TTBK2: variants seen among roughly 807,000 people sequenced by gnomAD.
TTBK2 encodes the protein tau tubulin kinase 2, also known as tau-tubulin kinase 2.
A neutral mutation model predicts 110.8 loss-of-function variants in TTBK2; 28 were observed. That is an observed-to-expected ratio of 0.25 (90% CI 0.19 to 0.35). TTBK2 has a LOEUF of 0.35. Ranked by LOEUF, TTBK2 falls within the 10% of genes least tolerant of loss-of-function variation. The probability of loss-of-function intolerance (pLI) is 1.00; values close to 1 mark genes in which losing one functional copy is unlikely to be tolerated. For synonymous variants in TTBK2, 532 were observed against 527.3 expected, an observed-to-expected ratio of 1.01 and a Z score of -0.12; for missense variants, 1,369 against 1,500.3, an observed-to-expected ratio of 0.91 and a Z score of 1.45.
chr15:42,878,713 C>T (rs1894923281), intron 1 of TTBK2, 29 bp from the exon 2 acceptor site: 4 of 1,602,968 alleles, frequency 2.5e-6, no homozygotes, highest in Non-Finnish European at 3.4e-6. Context: ...AAAATAGTAG[C>T]AGTATTTAGG....
intron 3 of TTBK2, among the ~76,000 whole-genome samples, chr15:42,843,321 A>G (rs1193508184): frequency 6.6e-6 from 1 of 152,236 alleles, no homozygotes; most frequent in Admixed American, 6.5e-5. Flanking sequence ...TGCTTTTATA[A>G]AACTAATGAA....
intron 3 of TTBK2, among the ~76,000 whole-genome samples, chr15:42,843,228 G>A (rs1250465292): frequency 1.3e-5 from 2 of 152,140 alleles, no homozygotes; most frequent in African/African-American, 4.8e-5. Context: ...GGCTATGGGA[G>A]GAATTTAGTT....
At chr15:42,849,626 A>C (rs1893613825) in intron 3 of TTBK2, among the ~76,000 whole-genome samples, 1 of 152,044 alleles carries the variant, frequency 6.6e-6, no homozygotes, top group Non-Finnish European at 1.5e-5. Flanking sequence ...GACCAAGTTG[A>C]GTTCATGCTT....
chr15:42,918,752 G>T (rs911748546), intron 1 of TTBK2, among the ~76,000 whole-genome samples: 9 of 152,106 alleles, frequency 5.9e-5, no homozygotes, highest in African/African-American at 2.2e-4. Context: ...AGCAAATGAG[G>T]TCTAACCTCT....
chr15:42,911,815 T>C (rs959205251), intron 1 of TTBK2, among the ~76,000 whole-genome samples: 2 of 152,144 alleles, frequency 1.3e-5, no homozygotes, highest in South Asian at 2.1e-4. Context: ...GAAATAAGCA[T>C]AACATACAAG....
chr15:42,772,991 G>C (rs1290737857), intron 13 of TTBK2, among the ~76,000 whole-genome samples: 1 of 152,124 alleles, frequency 6.6e-6, no homozygotes, highest in African/African-American at 2.4e-5. Context: ...CTGTTTAGAT[G>C]TAAGTTTTCA....
At chr15:42,786,160 A>G (rs1371198914) in intron 10 of TTBK2, among the ~76,000 whole-genome samples, 1 of 152,218 alleles carries the variant, frequency 6.6e-6, no homozygotes, top group Non-Finnish European at 1.5e-5. Context: ...ACAACCTAGT[A>G]AAGTAGTATC....
chr15:42,819,137 T>C (rs67920450), intron 6 of TTBK2, among the ~76,000 whole-genome samples: 23,980 of 150,934 alleles, frequency 0.16, 2,428 homozygotes, highest in African/African-American at 0.26. Flanking sequence ...TCAATTAACA[T>C]GTATTACTTT....
At chr15:42,916,379 G>C (rs923090011) in intron 1 of TTBK2, among the ~76,000 whole-genome samples, 5 of 152,162 alleles carry the variant, frequency 3.3e-5, no homozygotes, top group African/African-American at 7.2e-5. Context: ...CCAGGCTGGA[G>C]TGCAGTGGCA....
intron 9 of TTBK2, among the ~76,000 whole-genome samples, chr15:42,795,843 C>CAAA (rs1175589146): frequency 4.1e-5 from 2 of 48,906 alleles, no homozygotes; most frequent in African/African-American, 7.6e-5. Flanking sequence ...AATCTTTCTC[C>CAAA]AAAAAAAAAA....
chr15:42,811,644 T>C, intron 8 of TTBK2, 44 bp downstream of exon 8: 1 of 1,533,134 alleles, frequency 6.5e-7, no homozygotes, highest in Non-Finnish European at 9.0e-7. Context: ...AGCAGAAATT[T>C]TTATTTCTTC....
At chr15:42,819,412 T>C (rs1319480534) in intron 6 of TTBK2, among the ~76,000 whole-genome samples, 2 of 151,952 alleles carry the variant, frequency 1.3e-5, no homozygotes, top group African/African-American at 4.8e-5. Context: ...GGATAAACAA[T>C]CTATGTGTTC....
chr15:42,796,839 A>G (rs1890966947), intron 9 of TTBK2, among the ~76,000 whole-genome samples: 2 of 152,256 alleles, frequency 1.3e-5, no homozygotes, highest in Non-Finnish European at 2.9e-5. Flanking sequence ...TTACTGACTC[A>G]CATGATTTAA....
chr15:42,815,931 AATAT>A (rs1291134154), intron 7 of TTBK2, among the ~76,000 whole-genome samples: 20 of 50,556 alleles, frequency 4.0e-4, no homozygotes, highest in South Asian at 1.9e-3. Context: ...TATATTTAAA[AATAT>A]ATATATATAT....
chr15:42,802,057 A>T, intron 9 of TTBK2: 3 of 1,467,150 alleles, frequency 2.0e-6, no homozygotes, highest in Non-Finnish European at 2.8e-6. Context: ...CTTGGTCTCA[A>T]GCATCTTGTT....
chr15:42,902,114 G>C (rs560163185), intron 1 of TTBK2, among the ~76,000 whole-genome samples: 31 of 151,984 alleles, frequency 2.0e-4, no homozygotes, highest in Non-Finnish European at 3.8e-4. Context: ...TACTAGGGAG[G>C]CTGAGGCAGG....
Position 42,801,100 on chromosome 15 carries a change from G to C in TTBK2, c.823-6299C>G, listed in dbSNP as rs1407277901. ...ATGCCAGAGCCAAAGCTGGAGCCCA[G>C]GCCGTAGCTGAGGCCAGGGCTTGTG... On this transcript the variant is annotated intron_variant, in intron 9 of 14. Transcript: ENST00000267890. The C allele has an allele frequency of 7.2e-6, 6 of 828,074 alleles. No homozygotes were observed. In the East Asian group the frequency reaches 7.2e-5, roughly 10 times the overall value. 51.3% of individuals were successfully genotyped at this position (828,074 alleles called of 1,614,324 possible).
At chr15:42,794,467 C>G (rs1308954498) in intron 10 of TTBK2, among the ~76,000 whole-genome samples, 177 bp downstream of exon 10, 1 of 152,186 alleles carries the variant, frequency 6.6e-6, no homozygotes, top group African/African-American at 2.4e-5. Flanking sequence ...TCTATTAGTA[C>G]TATCTAAAGC....
chr15:42,794,895 T>C, intron 9 of TTBK2, 94 bp from the exon 10 acceptor site: 1 of 1,531,686 alleles, frequency 6.5e-7, no homozygotes. Context: ...AAAATGATTT[T>C]GTAATGTGAT....
Sources: gnomAD v4.1 joint callset for allele counts (sites outside exome capture counted in the v4.1 genomes callset) on GRCh38, gnomAD v4.1.1 for gene constraint, MANE v1.5 for transcripts, NCBI Gene and HGNC (gene_info 2026-07-23, HGNC 2026-07-21) for gene names.